Variants in ZDHHC14 observed in about 807,000 individuals in gnomAD.
The protein encoded by ZDHHC14 is palmitoyltransferase ZDHHC14.
Under a neutral mutation model 47.7 loss-of-function variants are expected in ZDHHC14, and 16 were observed. That is an observed-to-expected ratio of 0.34 (90% confidence interval 0.23 to 0.51). The LOEUF is 0.51. Among genes scored for constraint, ZDHHC14 ranks in the 20% least tolerant of loss-of-function variants. ZDHHC14 has a pLI of 0.97. For synonymous variants in ZDHHC14, 293 were observed against 278.9 expected (o/e 1.05, Z -0.50); for missense variants, 515 against 662.5 (o/e 0.78, Z 2.44).
intron 1 of ZDHHC14, among the ~76,000 whole-genome samples, chr6:157,430,271 G>A (rs1778311597): frequency 6.9e-6 from 1 of 144,934 alleles, no homozygotes; most frequent in East Asian, 2.0e-4. Context: ...AGCCGACAGT[G>A]TGACACTGTA....
At chr6:157,385,169 G>T (rs1394670445) in intron 1 of ZDHHC14, among the ~76,000 whole-genome samples, 1 of 151,724 alleles carries the variant, frequency 6.6e-6, no homozygotes. Context: ...GCTCACTGTA[G>T]CCTTGACCGC....
intron 2 of ZDHHC14, among the ~76,000 whole-genome samples, chr6:157,572,440 A>C (rs888943943): frequency 6.6e-6 from 1 of 152,226 alleles, no homozygotes; most frequent in African/African-American, 2.4e-5. Flanking sequence ...TTCTGGGTTT[A>C]TCTGGCCTCC....
At chr6:157,655,658 T>C (rs1778053254) in intron 8 of ZDHHC14, among the ~76,000 whole-genome samples, 1 of 152,168 alleles carries the variant, frequency 6.6e-6, no homozygotes, top group Admixed American at 6.5e-5. Flanking sequence ...AGGACTAGAC[T>C]AGGAGATAGA....
intron 8 of ZDHHC14, among the ~76,000 whole-genome samples, chr6:157,670,217 G>A (rs757643538): frequency 1.3e-5 from 2 of 152,308 alleles, no homozygotes; most frequent in Non-Finnish European, 1.5e-5. Flanking sequence ...GAGAAGCACC[G>A]CCGTGGCACA....
Position 157,525,785 on chromosome 6 carries a change from C to G in ZDHHC14, c.246-16800C>G, listed in dbSNP as rs573982155. 6.6e-5 allele frequency among the ~76,000 whole-genome samples: 10 copies of G among 152,300 alleles called. No individual in the cohort carries two copies. The South Asian group carries it at 8.3e-4, about 13-fold the overall frequency. On this transcript the variant is annotated intron_variant, in intron 1 of 8. Transcript: ENST00000359775. ...GCCTGGGAACATTGCTCCCTCCCGT[C>G]CCACTGCTGCTGGATGCCTGCGAGG... is the stretch of plus-strand genomic sequence containing the variant.
Position 157,504,197 on chromosome 6 carries a change from T to A in ZDHHC14, c.246-38388T>A, listed in dbSNP as rs573511634. ...AGCAACATGGGCATATATATATTTT[T>A]TTTTTGTTTGCTTGTTTGTTTGTTT... is the stretch of plus-strand genomic sequence containing the variant. On this transcript the variant is annotated intron_variant, in intron 1 of 8. Coordinates refer to ENST00000359775, the MANE Select transcript of ZDHHC14 (RefSeq NM_024630.3). Among the ~76,000 whole-genome samples, 1,201 of 152,240 alleles carry A rather than the reference T, an allele frequency of 7.9e-3. 21 individuals are homozygous for A. Among genetic ancestry groups the A allele is most frequent in the African/African-American group, 0.027 (1,132 of 41,534 alleles).
At chr6:157,477,793 T>C (rs1323898031) in intron 1 of ZDHHC14, among the ~76,000 whole-genome samples, 1 of 152,232 alleles carries the variant, frequency 6.6e-6, no homozygotes, top group Non-Finnish European at 1.5e-5. Context: ...ATTTAGAAAG[T>C]TGTAACAGTC....
chr6:157,527,951 A>G (rs903475290), intron 1 of ZDHHC14, among the ~76,000 whole-genome samples: 1 of 152,140 alleles, frequency 6.6e-6, no homozygotes, highest in African/African-American at 2.4e-5. Context: ...TTGATTCTCC[A>G]ACTTTGCCAT....
chr6:157,462,378 A>G lies in ZDHHC14; in HGVS notation c.245+80112A>G, dbSNP rs1779110231. Reference sequence around the variant, plus strand: ...CGATGAGTGCCTTGTGGATCCTTCAAGGATTTCAACAGCAAAGTTACCTCG... The same window carrying G: ...CGATGAGTGCCTTGTGGATCCTTCAGGGATTTCAACAGCAAAGTTACCTCG... On this transcript the variant is annotated intron_variant, in intron 1 of 8. Transcript: ENST00000359775. Among the ~76,000 whole-genome samples the G allele has an allele frequency of 2.0e-5, 3 of 152,210 alleles. No homozygotes were observed. The South Asian group carries it at 6.2e-4, about 32-fold the overall frequency.
At chr6:157,643,381 C>T (rs1777348739) in intron 5 of ZDHHC14, among the ~76,000 whole-genome samples, 1 of 151,982 alleles carries the variant, frequency 6.6e-6, no homozygotes, top group Admixed American at 6.6e-5. Context: ...GAAAAGCTGG[C>T]CGGGCATGGT....
intron 1 of ZDHHC14, among the ~76,000 whole-genome samples, chr6:157,518,241 A>G (rs1780772345): frequency 6.6e-6 from 1 of 152,020 alleles, no homozygotes; most frequent in Non-Finnish European, 1.5e-5. Flanking sequence ...CTCCTGCTAG[A>G]TCTTCCTCAA....
intron 1 of ZDHHC14, among the ~76,000 whole-genome samples, chr6:157,413,602 T>G (rs1045521885): frequency 3.3e-5 from 5 of 151,976 alleles, no homozygotes; most frequent in African/African-American, 9.7e-5. Context: ...TTTTTTTTTT[T>G]AAGTCAGAAG....
intron 1 of ZDHHC14, among the ~76,000 whole-genome samples, chr6:157,522,159 T>C (rs1780940548): frequency 6.6e-6 from 1 of 152,174 alleles, no homozygotes; most frequent in Admixed American, 6.5e-5. Flanking sequence ...CCTCAATACC[T>C]ACCCGTACAG....
intron 1 of ZDHHC14, among the ~76,000 whole-genome samples, chr6:157,416,074 G>T (rs1777966778): frequency 6.6e-6 from 1 of 152,146 alleles, no homozygotes; most frequent in South Asian, 2.1e-4. Context: ...AGCATCACGG[G>T]CAACTCTCAT....
intron 2 of ZDHHC14, among the ~76,000 whole-genome samples, chr6:157,559,697 G>A (rs1033049873): frequency 6.6e-6 from 1 of 152,312 alleles, no homozygotes; most frequent in Middle Eastern, 3.4e-3. Flanking sequence ...AGGTTGTCAT[G>A]AATACTATTT....
At chr6:157,499,710 T>G (rs1218052744) in intron 1 of ZDHHC14, among the ~76,000 whole-genome samples, 1 of 152,174 alleles carries the variant, frequency 6.6e-6, no homozygotes, top group Non-Finnish European at 1.5e-5. Context: ...ATGAGCAAGT[T>G]TTTGCTACTT....
intron 1 of ZDHHC14, among the ~76,000 whole-genome samples, chr6:157,468,053 A>G (rs574309656): frequency 6.6e-6 from 1 of 152,356 alleles, no homozygotes; most frequent in Non-Finnish European, 1.5e-5. Flanking sequence ...ATAGGTTGTC[A>G]ACATTCCAAA....
At chr6:157,592,958 T>C in intron 2 of ZDHHC14, 30 bp from the exon 3 acceptor site, 1 of 1,595,038 alleles carries the variant, frequency 6.3e-7, no homozygotes, top group South Asian at 1.1e-5. Flanking sequence ...GCTCTGAAGG[T>C]GTGCGCTCTT....
intron 2 of ZDHHC14, among the ~76,000 whole-genome samples, chr6:157,545,761 G>C (rs1164711956): frequency 6.6e-6 from 1 of 151,912 alleles, no homozygotes; most frequent in East Asian, 1.9e-4. Flanking sequence ...AGGAAGGAGA[G>C]GGCTTTGGAG....
Sources: allele counts gnomAD v4.1 joint callset (sites outside exome capture counted in the v4.1 genomes callset), GRCh38; gene constraint gnomAD v4.1.1; transcripts MANE v1.5; gene names NCBI Gene and HGNC (gene_info 2026-07-23, HGNC 2026-07-21).